Variants in DCC observed in about 807,000 individuals in gnomAD.
The protein encoded by DCC is DCC netrin 1 receptor.
In DCC, 58 loss-of-function variants were observed where a neutral mutation model predicts 172.5. The ratio of observed to expected loss-of-function variants is 0.34; its 90% CI spans 0.27 to 0.42. The LOEUF is 0.42. Among genes scored for constraint, DCC ranks in the 10% least tolerant of loss-of-function variants. The pLI is 1.00. For synonymous variants in DCC, 709 were observed against 644.5 expected, an observed-to-expected ratio of 1.10 and a Z score of -1.52; for missense variants, 1,740 against 1,791.0, an observed-to-expected ratio of 0.97 and a Z score of 0.51.
intron 21 of DCC, among the ~76,000 whole-genome samples, chr18:53,421,761 T>A (rs1226643071): frequency 6.6e-6 from 1 of 152,186 alleles, no homozygotes; most frequent in Non-Finnish European, 1.5e-5. Flanking sequence ...GACTAAATTA[T>A]CTTTTGGTTT....
At chr18:53,086,386 C>T (rs1482943985) in intron 7 of DCC, among the ~76,000 whole-genome samples, 1 of 33,006 alleles carries the variant, frequency 3.0e-5, no homozygotes, top group Non-Finnish European at 5.4e-5. Context: ...TTCCTTTCTT[C>T]TTCTTCTTCT....
intron 1 of DCC, among the ~76,000 whole-genome samples, chr18:52,369,522 A>G (rs1568136295): frequency 6.6e-6 from 1 of 151,922 alleles, no homozygotes. Context: ...AGCCCCGGGG[A>G]TCATGCTCAT....
intron 7 of DCC, among the ~76,000 whole-genome samples, chr18:53,132,164 A>G (rs1174857709): frequency 6.6e-6 from 1 of 151,934 alleles, no homozygotes; most frequent in African/African-American, 2.4e-5. Context: ...ACCTTGGCAG[A>G]TGGAGACAGA....
intron 7 of DCC, among the ~76,000 whole-genome samples, chr18:53,152,547 G>A (rs1296465193): frequency 6.7e-6 from 1 of 149,324 alleles, no homozygotes; most frequent in Non-Finnish European, 1.5e-5. Context: ...CCTGGATTTG[G>A]CTATTATTAA....
intron 7 of DCC, among the ~76,000 whole-genome samples, chr18:53,101,846 T>TGC (rs1183776397): frequency 1.3e-5 from 2 of 151,356 alleles, no homozygotes; most frequent in African/African-American, 4.9e-5. Context: ...TGTGTGCGTG[T>TGC]GCGTGTGAGT....
intron 2 of DCC, among the ~76,000 whole-genome samples, chr18:52,882,427 T>C (rs2039500217): frequency 6.6e-6 from 1 of 152,114 alleles, no homozygotes; most frequent in Non-Finnish European, 1.5e-5. Context: ...CTTATAACTA[T>C]GAATTTCCCT....
intron 5 of DCC, among the ~76,000 whole-genome samples, chr18:52,926,259 A>G (rs549673142): frequency 6.6e-6 from 1 of 152,056 alleles, no homozygotes; most frequent in South Asian, 2.1e-4. Context: ...CCATGATATT[A>G]TTCCATCCAT....
intron 1 of DCC, among the ~76,000 whole-genome samples, chr18:52,650,955 T>C (rs974710569): frequency 6.6e-6 from 1 of 152,202 alleles, no homozygotes; most frequent in Admixed American, 6.5e-5. Context: ...AAGAACAATG[T>C]AACAGATACC....
intron 5 of DCC, among the ~76,000 whole-genome samples, chr18:52,983,980 G>A (rs1011498433): frequency 1.3e-5 from 2 of 151,844 alleles, no homozygotes; most frequent in Non-Finnish European, 2.9e-5. Flanking sequence ...CAGTCAAAAT[G>A]TTTACTATTT....
chr18:53,401,910 G>A (rs1055127270), intron 18 of DCC, among the ~76,000 whole-genome samples: 2 of 152,134 alleles, frequency 1.3e-5, no homozygotes, highest in African/African-American at 4.8e-5. Flanking sequence ...ACAACATGTG[G>A]GAGAAGTAGT....
At chr18:52,489,031 C>A (rs1433721620) in intron 1 of DCC, among the ~76,000 whole-genome samples, 1 of 151,896 alleles carries the variant, frequency 6.6e-6, no homozygotes, top group African/African-American at 2.4e-5. Context: ...TTAAAGTTTC[C>A]TGATACACAC....
intron 1 of DCC, among the ~76,000 whole-genome samples, chr18:52,645,855 T>C (rs1453020894): frequency 6.6e-6 from 1 of 152,234 alleles, no homozygotes; most frequent in African/African-American, 2.4e-5. Flanking sequence ...CTTGGCTGTA[T>C]CAGACTTTTC....
intron 4 of DCC, among the ~76,000 whole-genome samples, chr18:52,924,349 A>G (rs1363823053): frequency 6.6e-6 from 1 of 152,094 alleles, no homozygotes; most frequent in Non-Finnish European, 1.5e-5. Context: ...CAATAAAGCT[A>G]AGGGGAAAAA....
intron 15 of DCC, among the ~76,000 whole-genome samples, chr18:53,354,518 G>T (rs2057853984): frequency 6.6e-6 from 1 of 152,140 alleles, no homozygotes; most frequent in Non-Finnish European, 1.5e-5. Context: ...GGCCAGTGAT[G>T]ATGAGCATTT....
intron 5 of DCC, among the ~76,000 whole-genome samples, chr18:53,057,492 T>G (rs1417146180): frequency 2.0e-5 from 3 of 152,074 alleles, no homozygotes; most frequent in African/African-American, 7.2e-5. Context: ...ATAAAAATGA[T>G]TCTTTATGTA....
At chr18:52,909,018 C>T (rs759287990) in intron 3 of DCC, among the ~76,000 whole-genome samples, 1 of 151,904 alleles carries the variant, frequency 6.6e-6, no homozygotes, top group Non-Finnish European at 1.5e-5. Flanking sequence ...AACACATTCT[C>T]GAGTTTGCAA....
chr18:53,066,381 A>G (rs371824169), intron 7 of DCC, among the ~76,000 whole-genome samples: 4 of 63,008 alleles, frequency 6.3e-5, no homozygotes, highest in South Asian at 4.2e-4. Flanking sequence ...ATATATATAT[A>G]TATATATATA....
chr18:52,785,775 G>A (rs2037645958), intron 2 of DCC, among the ~76,000 whole-genome samples: 1 of 151,980 alleles, frequency 6.6e-6, no homozygotes, highest in Admixed American at 6.6e-5. Context: ...TATTGACCTT[G>A]GCTAAATCTT....
intron 7 of DCC, among the ~76,000 whole-genome samples, chr18:53,123,393 T>G (rs2043511157): frequency 6.6e-6 from 1 of 151,960 alleles, no homozygotes; most frequent in Non-Finnish European, 1.5e-5. Flanking sequence ...GGATGGGTTT[T>G]GGGGCTAGAT....
Sources: gnomAD v4.1 joint callset for allele counts (sites outside exome capture counted in the v4.1 genomes callset) on GRCh38, gnomAD v4.1.1 for gene constraint, MANE v1.5 for transcripts, NCBI Gene and HGNC (gene_info 2026-07-23, HGNC 2026-07-21) for gene names.